Variants in CSMD1 observed in about 807,000 individuals in gnomAD.
CSMD1 encodes CUB and Sushi multiple domains 1.
CSMD1 carries 213 observed loss-of-function variants against 417.5 expected under a neutral mutation model. The ratio of observed to expected loss-of-function variants is 0.51; its 90% CI spans 0.46 to 0.57. The LOEUF (loss-of-function observed/expected upper bound fraction) is 0.57, where lower values mean the gene tolerates loss of function less well. CSMD1 is among the 20% of genes least tolerant of loss of function. The pLI, the probability that CSMD1 is intolerant of heterozygous loss-of-function variation, is 0.00. For missense variants in CSMD1, 6,923 were observed against 4,529.7 expected, an observed-to-expected ratio of 1.53 and a Z score of -15.17; for synonymous variants, 2,862 against 1,736.8, an observed-to-expected ratio of 1.65 and a Z score of -16.11.
chr8:2,956,947 C>T (rs946684830), intron 63 of CSMD1, among the ~76,000 whole-genome samples: 5 of 151,846 alleles, frequency 3.3e-5, no homozygotes, highest in African/African-American at 1.2e-4. Flanking sequence ...TGATTTAGAG[C>T]AGAGATAATT....
chr8:4,565,125 G>T (rs1465238528), intron 2 of CSMD1, among the ~76,000 whole-genome samples: 3 of 152,182 alleles, frequency 2.0e-5, no homozygotes, highest in African/African-American at 7.2e-5. Flanking sequence ...TTTATTAGAA[G>T]TACAGCTTCT....
intron 1 of CSMD1, among the ~76,000 whole-genome samples, chr8:4,828,011 T>C (rs1257748282): frequency 1.3e-5 from 2 of 152,138 alleles, no homozygotes; most frequent in Non-Finnish European, 2.9e-5. Flanking sequence ...GCAAAATGCA[T>C]GTTATATATT....
At chr8:3,329,017 G>A (rs763107293) in intron 23 of CSMD1, among the ~76,000 whole-genome samples, 1 of 152,214 alleles carries the variant, frequency 6.6e-6, no homozygotes, top group East Asian at 1.9e-4. Flanking sequence ...AAGAACCTAG[G>A]GCTGAAAAAA....
At chr8:3,922,632 T>C (rs562314892) in intron 5 of CSMD1, among the ~76,000 whole-genome samples, 14 of 152,286 alleles carry the variant, frequency 9.2e-5, no homozygotes, top group African/African-American at 3.4e-4. Context: ...CTGATAAAAA[T>C]GTAAATTTGG....
rs1229265807 is a variant in CSMD1 at position 3,500,869 on chromosome 8, C to G, written c.1345-7143G>C. On this transcript the variant is annotated intron_variant, in intron 10 of 69. Coordinates refer to ENST00000635120, the MANE Select transcript of CSMD1 (RefSeq NM_033225.6). ...GTGGTTCTGCAGATCTCTCAGGTAT[C>G]TTAACTAACATGGATGAAGAGAAGT... 2.0e-5 allele frequency among the ~76,000 whole-genome samples: 3 copies of G among 152,082 alleles called. No individual in the cohort carries two copies. In the East Asian group the frequency reaches 5.8e-4, roughly 29 times the overall value.
intron 23 of CSMD1, among the ~76,000 whole-genome samples, chr8:3,328,421 G>T (rs1392429016): frequency 6.6e-6 from 1 of 152,054 alleles, no homozygotes; most frequent in Non-Finnish European, 1.5e-5. Context: ...ACCTCATATT[G>T]GGCACCCAAT....
intron 1 of CSMD1, among the ~76,000 whole-genome samples, chr8:4,728,010 A>AAT (rs537525671): frequency 2.7e-5 from 4 of 145,958 alleles, no homozygotes; most frequent in African/African-American, 7.5e-5. Flanking sequence ...TTATATACAA[A>AAT]ATATATATAT....
chr8:3,057,592 A>C (rs538178845), intron 49 of CSMD1, among the ~76,000 whole-genome samples: 1 of 152,020 alleles, frequency 6.6e-6, no homozygotes, highest in Admixed American at 6.6e-5. Flanking sequence ...ATGCTTTTTT[A>C]CTTAATTTTC....
At chr8:3,984,888 T>G (rs1279369332) in intron 5 of CSMD1, among the ~76,000 whole-genome samples, 1 of 151,724 alleles carries the variant, frequency 6.6e-6, no homozygotes, top group Non-Finnish European at 1.5e-5. Context: ...TCTATGTCCA[T>G]AAAACGAATA....
chr8:3,397,092 C>A (rs1483242779), intron 16 of CSMD1, among the ~76,000 whole-genome samples: 2 of 152,050 alleles, frequency 1.3e-5, no homozygotes, highest in Non-Finnish European at 2.9e-5. Flanking sequence ...CCACTTGGCT[C>A]CCCTGTGATG....
intron 3 of CSMD1, among the ~76,000 whole-genome samples, chr8:4,232,708 A>T (rs1475809454): frequency 6.6e-6 from 1 of 152,246 alleles, no homozygotes; most frequent in Non-Finnish European, 1.5e-5. Context: ...TAAAAGTGTC[A>T]TGTCAAGCAT....
chr8:4,530,099 G>C (rs919844795), intron 2 of CSMD1, among the ~76,000 whole-genome samples: 20 of 151,446 alleles, frequency 1.3e-4, no homozygotes, highest in Non-Finnish European at 2.5e-4. Flanking sequence ...TATTTTAGTA[G>C]ATACGGGGTT....
chr8:3,947,552 T>G (rs1307391902), intron 5 of CSMD1, among the ~76,000 whole-genome samples: 5 of 152,212 alleles, frequency 3.3e-5, no homozygotes, highest in African/African-American at 4.8e-5. Flanking sequence ...ACGGGAAAGC[T>G]CCTTATATTT....
At chr8:3,274,413 G>T (rs1319642262) in intron 26 of CSMD1, among the ~76,000 whole-genome samples, 2 of 152,138 alleles carry the variant, frequency 1.3e-5, no homozygotes, top group Non-Finnish European at 2.9e-5. Flanking sequence ...TGTTGATTTG[G>T]GGTGGAGAGT....
intron 5 of CSMD1, among the ~76,000 whole-genome samples, chr8:3,962,715 G>T (rs1462293154): frequency 6.6e-6 from 1 of 152,110 alleles, no homozygotes; most frequent in Non-Finnish European, 1.5e-5. Context: ...GCCCTTTCTT[G>T]CAGACTCTTC....
chr8:4,008,704 G>A (rs141565701), intron 4 of CSMD1, among the ~76,000 whole-genome samples: 1 of 141,346 alleles, frequency 7.1e-6, no homozygotes, highest in Admixed American at 7.7e-5. Context: ...TCCCCATCCC[G>A]GGTTCACATC....
intron 21 of CSMD1, among the ~76,000 whole-genome samples, chr8:3,354,533 G>A (rs1047561480): frequency 3.9e-5 from 6 of 151,978 alleles, no homozygotes; most frequent in African/African-American, 1.2e-4. Context: ...AATCTTGCCC[G>A]TAATAGAAGT....
intron 4 of CSMD1, among the ~76,000 whole-genome samples, chr8:4,027,096 A>C (rs1341511905): frequency 6.6e-6 from 1 of 152,194 alleles, no homozygotes; most frequent in Non-Finnish European, 1.5e-5. Context: ...GCCACAGAAA[A>C]ACACAGCTTT....
intron 5 of CSMD1, among the ~76,000 whole-genome samples, chr8:3,945,025 G>A (rs1297978268): frequency 1.3e-5 from 2 of 152,162 alleles, no homozygotes; most frequent in Non-Finnish European, 2.9e-5. Flanking sequence ...AATGTCAGAT[G>A]TCCAGGACAT....
Sources: allele counts gnomAD v4.1 joint callset (sites outside exome capture counted in the v4.1 genomes callset), GRCh38; gene constraint gnomAD v4.1.1; transcripts MANE v1.5; gene names NCBI Gene and HGNC (gene_info 2026-07-23, HGNC 2026-07-21).